Variants in TYMP observed in about 807,000 individuals in gnomAD.
TYMP encodes the protein gliostatin.
A neutral mutation model predicts 42.3 loss-of-function variants in TYMP; 46 were observed. The observed-to-expected ratio is 1.09, with a 90% CI of 0.86 to 1.39. The LOEUF is 1.39. Among genes scored for constraint, TYMP ranks in the 40% most tolerant of loss-of-function variants. TYMP has a pLI of 0.00. For synonymous variants in TYMP, 363 were observed against 308.0 expected (o/e 1.18, Z -1.87); for missense variants, 837 against 677.6 (o/e 1.24, Z -2.61).
rs768582480 is a variant in TYMP, at chr22:50,525,817, C to A, written c.1402G>T (p.Ala468Ser). The A allele has an allele frequency of 5.5e-5, 88 of 1,610,130 alleles. No homozygotes were observed. The highest frequency in any genetic ancestry group is 7.3e-5 in the Non-Finnish European group (86 of 1,178,848). Residue 468 changes from alanine (A) to serine (S), a missense_variant, in exon 10 of 10, where the codon GCC becomes TCC. Ala to Ser is a moderately conservative substitution (Grantham distance 99, BLOSUM62 1). Coordinates refer to ENST00000252029, the MANE Select transcript of TYMP (RefSeq NM_001953.5). ...ALVLSDRAPFAAPSPFAELVL... is the reference protein window; with the variant it reads ...ALVLSDRAPFSAPSPFAELVL... The stretch of plus-strand genomic sequence containing the variant: ...AGCTCTGCGAAGGGCGAGGGGGCGG[C>A]GAATGGCGCGCGGTCGGAGAGTACG...
chr22:50,528,570 C>G lies in TYMP; in HGVS notation c.458G>C (p.Gly153Ala). The change falls in exon 4 of 10, where the codon GGC becomes GCC. Residue 153 changes from glycine (G) to alanine (A), a missense_variant. Transcript: ENST00000252029. ...AATAGACTCCAGCTTATCCAAGGTG[C>G]CTCCTGTGTGCCCCAGACCACGTCC... Reference protein sequence around the residue: ...ISGRGLGHTGGTLDKLESIPG... With the variant: ...ISGRGLGHTGATLDKLESIPG... 6.2e-7 allele frequency: 1 copy of G among 1,613,928 alleles called. No homozygotes were observed. Among genetic ancestry groups the G allele is most frequent in the Non-Finnish European group, 8.5e-7 (1 of 1,179,998 alleles).
intron 6 of TYMP, 143 bp downstream of exon 6, chr22:50,527,022 G>T: frequency 3.8e-6 from 3 of 786,422 alleles, no homozygotes; most frequent in Non-Finnish European, 6.5e-6. Context: ...AGCCGTGAAG[G>T]AGGGAGGGAC....
At position 50,526,100 on chromosome 22, in the gene TYMP, G is replaced by A; in HGVS notation, c.1201C>T (p.Leu401=). ...CTGCGCCCGGCCCCGAGCTCGTGCA[G>A]CACCAGCGCCAGCGGCAGCGCCCGG... is the stretch of plus-strand genomic sequence containing the variant. The part of the protein sequence containing the change: ...LVRALPLALV[L]HELGAGRSRA... Residue 401 remains leucine (L), a synonymous_variant, in exon 9 of 10, where the codon CTG becomes TTG. Transcript: ENST00000252029. 6.7e-7 allele frequency: 1 copy of A among 1,490,198 alleles called. No homozygotes were observed. The highest frequency in any genetic ancestry group is 8.9e-7 in the Non-Finnish European group (1 of 1,128,124). The allele number at this position is 1,490,198 out of a possible 1,614,324, so 92.3% of individuals were successfully genotyped here.
At position 50,529,295 on chromosome 22, in the gene TYMP, C is replaced by T. The variant is rs771509367; in HGVS notation, c.258G>A (p.Glu86=). The change falls in exon 3 of 10, where the codon GAG becomes GAA. Residue 86 remains glutamate (E), a synonymous_variant. Transcript: ENST00000252029. ...GGGCCTGGGTCAGCACCGAGGTCTC[C>T]TCCAGATCCATGCCCCGAAGTCGGA... ...MAIRLRGMDL[E]ETSVLTQALA... 10 of 1,613,416 alleles carry T rather than the reference C, an allele frequency of 6.2e-6. No homozygotes were observed. In the South Asian group the frequency reaches 1.1e-4, roughly 18 times the overall value.
In TYMP at chr22:50,525,756, G is replaced by C. The variant is rs1203343491; in HGVS notation, c.*14C>G. 3.1e-6 allele frequency: 5 copies of C among 1,609,454 alleles called. No individual in the cohort carries two copies. Among genetic ancestry groups the C allele is most frequent in the Non-Finnish European group, 4.2e-6 (5 of 1,178,378 alleles). On this transcript the variant is annotated 3_prime_UTR_variant, in exon 10 of 10. Coordinates refer to ENST00000252029, the MANE Select transcript of TYMP (RefSeq NM_001953.5). ...CCCGCCCAAGCACTGACAAGGTTTC[G>C]CGGCAAAGGAGCTTTATTGCTGCGG...
rs1029348182 is a variant in TYMP, at chr22:50,527,791, T to C, written c.517-74A>G. 260 of 1,344,354 alleles carry C rather than the reference T, an allele frequency of 1.9e-4. 1 individual carries two copies. Among genetic ancestry groups the C allele is most frequent in the South Asian group, 1.6e-3 (129 of 80,430 alleles). 83.3% of individuals were successfully genotyped at this position (1,344,354 alleles called of 1,614,324 possible). A position where few individuals can be genotyped will look rare whatever the true frequency, so the allele number is the denominator to read the frequency against. ...AGCTTTTTTTTTTTTTTTTTTTTTT[T>C]CTGTGAAGAGTCTTCCTCTGTTGCC... On this transcript the variant is annotated intron_variant, in intron 4 of 9. Transcript: ENST00000252029.
chr22:50,526,607 C>T lies in TYMP; in HGVS notation c.897G>A (p.Pro299=), dbSNP rs2069394591. Residue 299 remains proline, a synonymous_variant, in exon 7 of 10, where the codon CCG becomes CCA. Coordinates refer to ENST00000252029, the MANE Select transcript of TYMP (RefSeq NM_001953.5). ...TGGTGACCAGGTCCCTTAAGTCTGG[C>T]GGGCCTGCGCCGTCCATGCAGAGCA... ...EALLCMDGAG[P]PDLRDLVTTL... The T allele has an allele frequency of 3.2e-6, 5 of 1,579,600 alleles. No individual in the cohort carries two copies. Among genetic ancestry groups the T allele is most frequent in the East Asian group, 2.3e-5 (1 of 42,946 alleles).
At chr22:50,529,466 G>T (rs778227843) in intron 2 of TYMP, 30 bp downstream of exon 2, 1 of 1,610,578 alleles carries the variant, frequency 6.2e-7, no homozygotes, top group South Asian at 1.1e-5. Context: ...TCCCAGTCGG[G>T]GTCAGGAACG....
At chr22:50,528,265 C>G (rs1217135366) in intron 4 of TYMP, 1 of 565,358 alleles carries the variant, frequency 1.8e-6, no homozygotes, top group African/African-American at 1.9e-5. Flanking sequence ...TCGGCCTCCC[C>G]AAGTGCTAGG....
rs770757735 is a variant in TYMP, at chr22:50,529,743, G to A, written c.-10-24C>T. 8.2e-6 allele frequency: 13 copies of A among 1,580,464 alleles called. No individual in the cohort carries two copies. The Middle Eastern group carries it at 8.2e-4, about 99-fold the overall frequency. On this transcript the variant is annotated intron_variant, in intron 1 of 9. Transcript: ENST00000252029. ...GCCTGCGGGGATGCCTGACACGTCC[G>A]GGGTCTGCGGCCTCCCGGCGTCGGT... is the stretch of plus-strand genomic sequence containing the variant.
In TYMP at chr22:50,529,193, A is replaced by G. The variant is rs1603442052; in HGVS notation, c.360T>C (p.Gly120=). 2 of 1,613,140 alleles carry G rather than the reference A, an allele frequency of 1.2e-6. No individual in the cohort carries two copies. The highest frequency in any genetic ancestry group is 2.7e-5 in the African/African-American group (2 of 74,982). The change falls in exon 3 of 10, where the codon GGT becomes GGC. Residue 120 remains glycine (G), a synonymous_variant. Transcript: ENST00000252029. ...GGACCAGGCTGACCTTGTCACCCAC[A>G]CCCCCTGTGGAATGCTTGTCCACAA... ...QQLVDKHSTG[G]VGDKVSLVLA...
chr22:50,529,347 T>TG lies in TYMP; in HGVS notation c.215-10dup, dbSNP rs760418387. 2 of 1,612,958 alleles carry TG rather than the reference T, an allele frequency of 1.2e-6. No individual in the cohort carries two copies. ...GGCCATCAGCATGGCCCCTGGTATG[T>TG]GGGGGTACGCGTGAGGGTGGCAGCC... On this transcript the variant is annotated splice_polypyrimidine_tract_variant and intron_variant, in intron 2 of 9. Coordinates refer to ENST00000252029, the MANE Select transcript of TYMP (RefSeq NM_001953.5).
rs131800 is a variant in TYMP, at chr22:50,528,840, A to G, written c.418-230T>C. ...AAACAAGGCTTGGGGCAGAGGGAGG[A>G]AAGTCCTCAGCTCCTCCCTTGGGGG... On this transcript the variant is annotated intron_variant, in intron 3 of 9. Transcript: ENST00000252029. 590,499 of 614,440 alleles carry G rather than the reference A, an allele frequency of 0.96. 283,903 individuals are homozygous for G. The highest frequency in any genetic ancestry group is 1 in the East Asian group (36,338 of 36,340). 38.1% of individuals were successfully genotyped at this position (614,440 alleles called of 1,614,324 possible). A position where few individuals can be genotyped will look rare whatever the true frequency, so the allele number is the denominator to read the frequency against.
intron 4 of TYMP, chr22:50,528,046 C>A: frequency 2.4e-6 from 1 of 408,444 alleles, no homozygotes. Context: ...GGGTCTCACT[C>A]TGTTGCCCAG....
At chr22:50,527,312 C>T (rs780971060) in intron 5 of TYMP, 29 bp from the exon 6 acceptor site, 6 of 1,563,118 alleles carry the variant, frequency 3.8e-6, no homozygotes, top group Non-Finnish European at 5.3e-6. Flanking sequence ...AGGTTGGAGA[C>T]AATGGAGAAC....
In TYMP at chr22:50,529,599, C is replaced by T. The variant is rs143471306; in HGVS notation, c.111G>A (p.Pro37=). 8 of 1,613,140 alleles carry T rather than the reference C, an allele frequency of 5.0e-6. No homozygotes were observed. The highest frequency in any genetic ancestry group is 6.8e-6 in the Non-Finnish European group (8 of 1,179,906). Residue 37 remains proline (P), a synonymous_variant, in exon 2 of 10, where the codon CCG becomes CCA. Transcript: ENST00000252029. Reference sequence around the variant, plus strand: ...CGTCTCGCTTCATGCGGATCAGCTCCGGGAGCTGCTTGGGCTCTGGCGAAG... The same window carrying T: ...CGTCTCGCTTCATGCGGATCAGCTCTGGGAGCTGCTTGGGCTCTGGCGAAG... ...PDPSPEPKQL[P]ELIRMKRDGG... is the part of the protein sequence containing the mutation.
rs781758419 is a variant in TYMP, at chr22:50,527,575, G to A, written c.646+13C>T. 1.9e-6 allele frequency: 3 copies of A among 1,614,000 alleles called. No individual in the cohort carries two copies. The Admixed American group carries it at 5.0e-5, about 27-fold the overall frequency. ...CTGTGAACATGCAGAAGCAGGCCAT[G>A]GAGTCAGGTCACCTGTGATGAGTGG... On this transcript the variant is annotated intron_variant, in intron 5 of 9. Transcript: ENST00000252029.
In TYMP at chr22:50,529,977, A is replaced by G. The variant is rs560027665; in HGVS notation, c.-84T>C. On this transcript the variant is annotated 5_prime_UTR_variant, in exon 1 of 10. Coordinates refer to ENST00000252029, the MANE Select transcript of TYMP (RefSeq NM_001953.5). ...TACCCGGCCTCGCCCGCGGGTCGGG[A>G]CCGTAGGGTTCAGGGTTCGCGCACA... The G allele has an allele frequency of 2.8e-4, 157 of 551,312 alleles. 2 individuals are homozygous for G. In the Middle Eastern group the frequency reaches 4.4e-3, roughly 15 times the overall value. 34.2% of individuals were successfully genotyped at this position (551,312 alleles called of 1,614,324 possible).
At position 50,526,558 on chromosome 22, in the gene TYMP, A is replaced by G; in HGVS notation, c.928+18T>C. ...CACCCCCCGCCGCCTCCGCTCCCCT[A>G]CACCCCGTCCCCCTCACCGAGCGTG... is the stretch of plus-strand genomic sequence containing the variant. On this transcript the variant is annotated intron_variant, in intron 7 of 9. Coordinates refer to ENST00000252029, the MANE Select transcript of TYMP (RefSeq NM_001953.5). The G allele has an allele frequency of 1.9e-6, 3 of 1,559,468 alleles. No homozygotes were observed. The highest frequency in any genetic ancestry group is 2.6e-6 in the Non-Finnish European group (3 of 1,153,450).
Sources: gnomAD v4.1 joint callset for allele counts on GRCh38, gnomAD v4.1.1 for gene constraint, MANE v1.5 for transcripts, NCBI Gene and HGNC (gene_info 2026-07-23, HGNC 2026-07-21) for gene names.